The following FRRS1 variants were observed in gnomAD, a reference collection of about 807,000 sequenced individuals.
FRRS1 encodes ferric reductase 1.
A neutral mutation model predicts 70.7 loss-of-function variants in FRRS1; 51 were observed. The observed-to-expected ratio is 0.72, with a 90% CI of 0.58 to 0.91. FRRS1 has a LOEUF of 0.91. Ranked by LOEUF, FRRS1 falls within the 40% of genes least tolerant of loss-of-function variation. The pLI is 0.00. For missense variants in FRRS1, 672 were observed against 726.0 expected, an observed-to-expected ratio of 0.93 and a Z score of 0.86; for synonymous variants, 225 against 238.7, an observed-to-expected ratio of 0.94 and a Z score of 0.53.
chr1:99,722,509 T>C (rs1454046042), intron 9 of FRRS1, among the ~76,000 whole-genome samples: 1 of 152,124 alleles, frequency 6.6e-6, no homozygotes, highest in African/African-American at 2.4e-5. Context: ...CAGTTATATA[T>C]TAAGAGAATA....
intron 1 of FRRS1, among the ~76,000 whole-genome samples, chr1:99,758,125 T>C (rs749233208): frequency 1.9e-4 from 29 of 152,206 alleles, no homozygotes; most frequent in Non-Finnish European, 3.2e-4. Context: ...CAAGTATGCA[T>C]TGGCTTATGC....
chr1:99,707,809 A>T lies in FRRS1; in HGVS notation c.*1219T>A, dbSNP rs1654073934. Among the ~76,000 whole-genome samples the T allele has an allele frequency of 6.6e-6, 1 of 152,238 alleles. No individual in the cohort carries two copies. The highest frequency in any genetic ancestry group is 2.1e-4 in the South Asian group (1 of 4,832). ...ATAAAATAGATGAATTCTTGAAATAAGGAATATAACACTGACTATTCTGAT... is the reference window on the plus strand; with the variant it reads ...ATAAAATAGATGAATTCTTGAAATATGGAATATAACACTGACTATTCTGAT... On this transcript the variant is annotated 3_prime_UTR_variant, in exon 17 of 17. Coordinates refer to ENST00000646001, the MANE Select transcript of FRRS1 (RefSeq NM_001361041.2).
At chr1:99,740,663 G>A (rs969109482) in intron 6 of FRRS1, 130 bp downstream of exon 6, 9 of 675,724 alleles carry the variant, frequency 1.3e-5, no homozygotes, top group Admixed American at 2.3e-5. Context: ...GGGCACAGTG[G>A]CTCACACCTG....
In FRRS1 at chr1:99,706,807, G is replaced by A. The variant is rs1326930156; in HGVS notation, c.*2221C>T. ...TATTCAGGAGACTGAGACAAGACTC[G>A]CTTGAACCCAGGAGGTGGAGGCTGC... On this transcript the variant is annotated 3_prime_UTR_variant, in exon 17 of 17. Coordinates refer to ENST00000646001, the MANE Select transcript of FRRS1 (RefSeq NM_001361041.2). Among the ~76,000 whole-genome samples, 3 of 151,478 alleles carry A rather than the reference G, an allele frequency of 2.0e-5. No individual in the cohort carries two copies. Among genetic ancestry groups the A allele is most frequent in the Non-Finnish European group, 2.9e-5 (2 of 67,886 alleles).
At chr1:99,710,723 G>C in intron 15 of FRRS1, 83 bp downstream of exon 15, 14 of 1,189,024 alleles carry the variant, frequency 1.2e-5, no homozygotes, top group Middle Eastern at 2.0e-4. Context: ...GTAGCAGTCA[G>C]CCATTACTAT....
chr1:99,751,158 G>T (rs1656549180), intron 1 of FRRS1, among the ~76,000 whole-genome samples: 1 of 152,112 alleles, frequency 6.6e-6, no homozygotes. Context: ...CTTGCCCTCA[G>T]ACATCAAGGT....
intron 1 of FRRS1, among the ~76,000 whole-genome samples, chr1:99,759,057 G>C (rs955342994): frequency 3.3e-4 from 50 of 152,244 alleles, no homozygotes; most frequent in African/African-American, 1.2e-3. Flanking sequence ...TACCTGCACG[G>C]CTGAACATAG....
intron 4 of FRRS1, among the ~76,000 whole-genome samples, chr1:99,743,124 C>G (rs562014174): frequency 1.4e-4 from 21 of 152,120 alleles, no homozygotes; most frequent in African/African-American, 4.8e-4. Context: ...ATAAATTCTT[C>G]AAACTACTTT....
chr1:99,742,479 G>A (rs1036624922), intron 4 of FRRS1, among the ~76,000 whole-genome samples: 3 of 152,188 alleles, frequency 2.0e-5, no homozygotes, highest in African/African-American at 7.2e-5. Context: ...GTGAATAAAT[G>A]AGAGTCCACA....
chr1:99,739,280 A>G (rs1017316215), intron 6 of FRRS1, among the ~76,000 whole-genome samples: 2 of 152,248 alleles, frequency 1.3e-5, no homozygotes, highest in African/African-American at 4.8e-5. Context: ...ATTAGAGATT[A>G]TAAACATGGC....
At chr1:99,732,084 G>A (rs1655418536) in intron 7 of FRRS1, among the ~76,000 whole-genome samples, 1 of 152,192 alleles carries the variant, frequency 6.6e-6, no homozygotes, top group South Asian at 2.1e-4. Context: ...GGCAAACTGA[G>A]GATGAGAAGT....
intron 4 of FRRS1, among the ~76,000 whole-genome samples, chr1:99,746,475 G>A (rs1323166927): frequency 6.6e-6 from 1 of 152,138 alleles, no homozygotes; most frequent in Non-Finnish European, 1.5e-5. Context: ...GCCAATCAAG[G>A]AATCATAAAA....
chr1:99,738,594 T>G (rs1655796171), intron 6 of FRRS1, among the ~76,000 whole-genome samples: 1 of 152,228 alleles, frequency 6.6e-6, no homozygotes, highest in Non-Finnish European at 1.5e-5. Flanking sequence ...GAGCAAAGTT[T>G]CTGATAGGTT....
rs535313672 is a variant in FRRS1, at chr1:99,737,516, G to A, written c.759+570C>T. On this transcript the variant is annotated intron_variant, in intron 7 of 16. Coordinates refer to ENST00000646001, the MANE Select transcript of FRRS1 (RefSeq NM_001361041.2). ...TCTTAACTGTATTTCCTGCTTTATC[G>A]CAAAGAGACAGACAGACATAAAATG... Among the ~76,000 whole-genome samples the A allele has an allele frequency of 3.7e-4, 56 of 152,278 alleles. 1 individual carries two copies. The highest frequency in any genetic ancestry group is 2.4e-3 in the Admixed American group (37 of 15,298).
chr1:99,704,428 G>A lies in FRRS1; in HGVS notation c.*4600C>T, dbSNP rs1177771941. Among the ~76,000 whole-genome samples the A allele has an allele frequency of 1.3e-5, 2 of 152,188 alleles. No homozygotes were observed. Among genetic ancestry groups the A allele is most frequent in the Non-Finnish European group, 2.9e-5 (2 of 68,032 alleles). ...TTGTAAGTGATAACGGGAGGGAAGT[G>A]CTGGGAAGGGCGTGGTCCCTTTAAA... On this transcript the variant is annotated 3_prime_UTR_variant, in exon 17 of 17. Transcript: ENST00000646001.
intron 1 of FRRS1, among the ~76,000 whole-genome samples, chr1:99,764,704 T>G (rs982768501): frequency 3.3e-5 from 5 of 152,216 alleles, no homozygotes; most frequent in African/African-American, 1.2e-4. Context: ...CTGGACAAAT[T>G]ATTTAACCTT....
chr1:99,749,715 A>C (rs913072693), intron 1 of FRRS1, among the ~76,000 whole-genome samples: 2 of 152,146 alleles, frequency 1.3e-5, no homozygotes, highest in Non-Finnish European at 2.9e-5. Flanking sequence ...CTTCCCTCCC[A>C]CAGCTCCAAT....
intron 11 of FRRS1, 95 bp downstream of exon 11, chr1:99,717,315 C>T: frequency 1.2e-6 from 1 of 837,404 alleles, no homozygotes. Flanking sequence ...ACTGCAACCA[C>T]AAAACGCATA....
At chr1:99,748,864 T>C (rs1255370409) in intron 2 of FRRS1, 33 bp downstream of exon 2, 2 of 859,316 alleles carry the variant, frequency 2.3e-6, no homozygotes, top group African/African-American at 1.7e-5. Flanking sequence ...ACTACTTGCT[T>C]TCTGTGTTCA....
Sources: gnomAD v4.1 joint callset for allele counts (sites outside exome capture counted in the v4.1 genomes callset) on GRCh38, gnomAD v4.1.1 for gene constraint, MANE v1.5 for transcripts, NCBI Gene and HGNC (gene_info 2026-07-23, HGNC 2026-07-21) for gene names.